STARD3: variants seen among roughly 807,000 people sequenced by gnomAD.
STARD3 encodes the protein stAR-related lipid transfer protein 3.
A neutral mutation model predicts 62.0 loss-of-function variants in STARD3; 39 were observed. That is an observed-to-expected ratio of 0.63 (90% CI 0.49 to 0.82). The LOEUF is 0.82. STARD3 is among the 40% of genes least tolerant of loss of function. The pLI, the probability that STARD3 is intolerant of heterozygous loss-of-function variation, is 0.00. For missense variants in STARD3, 543 were observed against 584.5 expected (o/e 0.93, Z 0.73); for synonymous variants, 229 against 242.4 (o/e 0.94, Z 0.51).
intron 1 of STARD3, chr17:39,653,262 G>T: frequency 1.8e-6 from 1 of 543,698 alleles, no homozygotes. Flanking sequence ...TGGGCTTGGG[G>T]CAGGGAGCAC....
Position 39,663,155 on chromosome 17 carries a change from T to C in STARD3, c.*247T>C. The C allele has an allele frequency of 4.3e-6, 2 of 460,814 alleles. No homozygotes were observed. 28.5% of individuals were successfully genotyped at this position (460,814 alleles called of 1,614,324 possible). The stretch of plus-strand genomic sequence containing the variant: ...GATGTTTACATGGCGCCCTGCCTCC[T>C]GGAGGACCAGATTGCTCTGCCCCAC... On this transcript the variant is annotated 3_prime_UTR_variant, in exon 15 of 15. Coordinates refer to ENST00000336308, the MANE Select transcript of STARD3 (RefSeq NM_006804.4).
Position 39,660,661 on chromosome 17 carries a change from G to C in STARD3, c.954+135G>C. ...GATGGTAACAGTGCCTGCTCGGGAG[G>C]GTCGGGAGGAGGGCAGGAGGAGTGC... is the stretch of plus-strand genomic sequence containing the variant. On this transcript the variant is annotated intron_variant, in intron 11 of 14. Coordinates refer to ENST00000336308, the MANE Select transcript of STARD3 (RefSeq NM_006804.4). The surrounding 1 kb of genome is among the most constrained non-coding windows in gnomAD (Gnocchi z 4.8). The C allele has an allele frequency of 7.4e-7, 1 of 1,357,232 alleles. No homozygotes were observed. Among genetic ancestry groups the C allele is most frequent in the East Asian group, 2.3e-5 (1 of 43,484 alleles). The allele number at this position is 1,357,232 out of a possible 1,614,324, so 84.1% of individuals were successfully genotyped here.
At chr17:39,657,308 T>G (rs1445116351) in intron 3 of STARD3, among the ~76,000 whole-genome samples, 1 of 152,074 alleles carries the variant, frequency 6.6e-6, no homozygotes, top group Non-Finnish European at 1.5e-5. Flanking sequence ...GGTGGATCAC[T>G]TGAGGTTAGG....
At chr17:39,656,779 T>C (rs1796117186) in intron 2 of STARD3, 2 of 539,742 alleles carry the variant, frequency 3.7e-6, no homozygotes, top group Non-Finnish European at 6.6e-6. Context: ...AAGCTAGCCC[T>C]GCCCATCGGG....
chr17:39,651,379 G>A (rs753492441), intron 1 of STARD3, among the ~76,000 whole-genome samples: 12 of 152,206 alleles, frequency 7.9e-5, no homozygotes, highest in Non-Finnish European at 1.5e-4. Context: ...CACCTCAGGA[G>A]GGGAGAGTGG....
At chr17:39,637,879 A>C (rs2056947523) in intron 1 of STARD3, among the ~76,000 whole-genome samples, 1 of 152,008 alleles carries the variant, frequency 6.6e-6, no homozygotes, top group South Asian at 2.1e-4. Context: ...ACTGAATCTC[A>C]GTGGTCTTAT....
At chr17:39,646,793 A>G (rs1365456253) in intron 1 of STARD3, among the ~76,000 whole-genome samples, 1 of 152,222 alleles carries the variant, frequency 6.6e-6, no homozygotes, top group Admixed American at 6.5e-5. Flanking sequence ...AGGCCTGGAA[A>G]GCGGTGTGGG....
At chr17:39,637,487 C>T (rs1225878098) in intron 1 of STARD3, 1 of 152,258 alleles carries the variant, frequency 6.6e-6, no homozygotes, top group Non-Finnish European at 1.5e-5. Context: ...CTTCCAAAGC[C>T]TCCGTCTTAA....
At chr17:39,662,635 A>G (rs965646667) in intron 14 of STARD3, 169 bp from the exon 15 acceptor site, 2 of 678,336 alleles carry the variant, frequency 2.9e-6, no homozygotes, top group Non-Finnish European at 2.5e-6. Flanking sequence ...GCCAAGAGCC[A>G]GGCCCAGCAT....
rs959373584 is a variant in STARD3, at chr17:39,663,202, C to T, written c.*294C>T. On this transcript the variant is annotated 3_prime_UTR_variant, in exon 15 of 15. Transcript: ENST00000336308. The stretch of plus-strand genomic sequence containing the variant: ...CCACCTTGCCAGGGCAGGGTCTGGG[C>T]TGGGCACCTGACTTGGCTGGGGAGG... 31 of 423,436 alleles carry T rather than the reference C, an allele frequency of 7.3e-5. No homozygotes were observed. The Admixed American group carries it at 1.1e-3, about 15-fold the overall frequency. The allele number at this position is 423,436 out of a possible 1,614,324, so 26.2% of individuals were successfully genotyped here.
chr17:39,639,138 T>C (rs1288432176), intron 1 of STARD3, among the ~76,000 whole-genome samples: 1 of 152,228 alleles, frequency 6.6e-6, no homozygotes, highest in Non-Finnish European at 1.5e-5. Context: ...GTTATTACTA[T>C]TATGTAAGGA....
rs370699833 is a variant in STARD3, at chr17:39,639,578, G to C, written c.-52+2347G>C. ...GAGCTCCAGTAGATGGTGGCTGGGT[G>C]GGGGAACAGGGGAGACGGAGCTGAG... On this transcript the variant is annotated intron_variant, in intron 1 of 14. Coordinates refer to ENST00000336308, the MANE Select transcript of STARD3 (RefSeq NM_006804.4). Among the ~76,000 whole-genome samples the C allele has an allele frequency of 5.9e-5, 9 of 152,332 alleles. No individual in the cohort carries two copies. In the East Asian group the frequency reaches 9.6e-4, roughly 16 times the overall value.
chr17:39,659,787 C>G (rs549091734), intron 9 of STARD3: 2 of 519,104 alleles, frequency 3.9e-6, no homozygotes, highest in African/African-American at 1.9e-5. Context: ...CTGTTCTGCC[C>G]CCTTGGCTCC....
chr17:39,655,046 A>G (rs977163023), intron 2 of STARD3, among the ~76,000 whole-genome samples: 1 of 152,232 alleles, frequency 6.6e-6, no homozygotes, highest in Non-Finnish European at 1.5e-5. Flanking sequence ...GACCTTCTGC[A>G]GAGCTTCTAA....
chr17:39,663,429 C>T lies in STARD3; in HGVS notation c.*521C>T, dbSNP rs2057223822. 8.6e-6 allele frequency: 2 copies of T among 232,300 alleles called. No homozygotes were observed. Among genetic ancestry groups the T allele is most frequent in the African/African-American group, 4.5e-5 (2 of 44,322 alleles). The allele number at this position is 232,300 out of a possible 1,614,324, so 14.4% of individuals were successfully genotyped here. A position where few individuals can be genotyped will look rare whatever the true frequency, so the allele number is the denominator to read the frequency against. Reference sequence around the variant, plus strand: ...GCTGTCCCCCTCCTCCCAGGGCCTCCTGGGGGACCTTTGTATTAAGCCAAT... The same window carrying T: ...GCTGTCCCCCTCCTCCCAGGGCCTCTTGGGGGACCTTTGTATTAAGCCAAT... On this transcript the variant is annotated 3_prime_UTR_variant, in exon 15 of 15. Transcript: ENST00000336308.
intron 1 of STARD3, among the ~76,000 whole-genome samples, chr17:39,647,590 A>T (rs1597790685): frequency 6.6e-6 from 1 of 152,284 alleles, no homozygotes; most frequent in East Asian, 1.9e-4. Flanking sequence ...GGGCAGTTCC[A>T]CGCCACGGTG....
intron 2 of STARD3, 180 bp from the exon 3 acceptor site, chr17:39,656,828 G>C: frequency 3.3e-6 from 2 of 604,650 alleles, no homozygotes; most frequent in South Asian, 3.9e-5. Flanking sequence ...TGGTGCCTGA[G>C]GTCTCTGGCC....
chr17:39,661,285 C>T (rs939161567), intron 13 of STARD3, 200 bp downstream of exon 13: 2 of 597,862 alleles, frequency 3.3e-6, no homozygotes, highest in African/African-American at 1.9e-5. Context: ...GGGTGGTGGA[C>T]AGCTGGAACC....
At chr17:39,655,515 G>C (rs2057118611) in intron 2 of STARD3, among the ~76,000 whole-genome samples, 1 of 152,162 alleles carries the variant, frequency 6.6e-6, no homozygotes, top group South Asian at 2.1e-4. Context: ...TTATTTGGCT[G>C]TGTTGGCTGC....
Sources: gnomAD v4.1 joint callset for allele counts (sites outside exome capture counted in the v4.1 genomes callset) on GRCh38, gnomAD v4.1.1 for gene constraint, Gnocchi (gnomAD v3.1) non-coding constraint, MANE v1.5 for transcripts, NCBI Gene and HGNC (gene_info 2026-07-23, HGNC 2026-07-21) for gene names.